The following BNC2 variants were observed in gnomAD, a reference collection of about 807,000 sequenced individuals.
The protein encoded by BNC2 is basonuclin zinc finger protein 2, also known as zinc finger protein basonuclin-2.
Under a neutral mutation model 76.3 loss-of-function variants are expected in BNC2, and 20 were observed. The ratio of observed to expected loss-of-function variants is 0.26; its 90% CI spans 0.18 to 0.38. BNC2 has a LOEUF of 0.38. Among genes scored for constraint, BNC2 ranks in the 10% least tolerant of loss-of-function variants. The pLI, the probability that BNC2 is intolerant of heterozygous loss-of-function variation, is 1.00. For missense variants in BNC2, 1,382 were observed against 1,399.8 expected (o/e 0.99, Z 0.20); for synonymous variants, 582 against 514.8 (o/e 1.13, Z -1.77).
At position 16,436,915 on chromosome 9, in the gene BNC2, G is replaced by A; in HGVS notation, c.1279C>T (p.His427Tyr). 6.2e-7 allele frequency: 1 copy of A among 1,614,112 alleles called. No individual in the cohort carries two copies. Among genetic ancestry groups the A allele is most frequent in the Non-Finnish European group, 8.5e-7 (1 of 1,180,036 alleles). Residue 427 changes from histidine (H) to tyrosine (Y), a missense_variant, in exon 6 of 7, where the codon CAT (histidine) becomes TAT (tyrosine). Transcript: ENST00000380672. The part of the protein sequence containing the change: ...TEHPKSSFRI[H>Y]RMRRMGSASR... Reference sequence around the variant, plus strand: ...GCTGACCCCATCCTTCTCATCCGATGAATCCGGAATGAGCTTTTTGGGTGT... The same window carrying A: ...GCTGACCCCATCCTTCTCATCCGATAAATCCGGAATGAGCTTTTTGGGTGT...
intron 3 of BNC2, among the ~76,000 whole-genome samples, chr9:16,603,070 G>GA: frequency 6.6e-6 from 1 of 152,268 alleles, no homozygotes; most frequent in Non-Finnish European, 1.5e-5. Context: ...TACATGCTTC[G>GA]AAAAGATGCT....
chr9:16,416,191 C>G lies in BNC2; in HGVS notation c.*2798G>C, dbSNP rs895349351. 2.0e-5 allele frequency: 3 copies of G among 152,204 alleles called. No homozygotes were observed. Among genetic ancestry groups the G allele is most frequent in the African/African-American group, 4.8e-5 (2 of 41,442 alleles). The allele number at this position is 152,204 out of a possible 1,614,324, so 9.4% of individuals were successfully genotyped here. A position where few individuals can be genotyped will look rare whatever the true frequency, so the allele number is the denominator to read the frequency against. ...ACATTGCTGTTGTACAAGATGAGTT[C>G]TAGTAACTCAACTGAGTGTAACTTT... On this transcript the variant is annotated 3_prime_UTR_variant, in exon 7 of 7. Transcript: ENST00000380672.
At position 16,418,895 on chromosome 9, in the gene BNC2, A is replaced by G; in HGVS notation, c.*94T>C. 1 of 1,392,228 alleles carries G rather than the reference A, an allele frequency of 7.2e-7. No homozygotes were observed. The highest frequency in any genetic ancestry group is 1.0e-6 in the Non-Finnish European group (1 of 979,656). 86.2% of individuals were successfully genotyped at this position (1,392,228 alleles called of 1,614,324 possible). A position where few individuals can be genotyped will look rare whatever the true frequency, so the allele number is the denominator to read the frequency against. On this transcript the variant is annotated 3_prime_UTR_variant, in exon 7 of 7. Coordinates refer to ENST00000380672, the MANE Select transcript of BNC2 (RefSeq NM_017637.6). ...AATGCACACACACACACACACACAC[A>G]CACACCCCAAGTACATAAGCGCACA...
intron 5 of BNC2, among the ~76,000 whole-genome samples, chr9:16,498,348 G>A (rs991616278): frequency 6.7e-6 from 1 of 149,458 alleles, no homozygotes; most frequent in African/African-American, 2.5e-5. Context: ...AAAAAGGAAT[G>A]AATTAACAGC....
intron 1 of BNC2, among the ~76,000 whole-genome samples, chr9:16,850,861 G>A (rs1819111441): frequency 6.6e-6 from 1 of 151,704 alleles, no homozygotes; most frequent in Admixed American, 6.6e-5. Flanking sequence ...CACCAAGTAA[G>A]TTAACACCAA....
intron 1 of BNC2, among the ~76,000 whole-genome samples, chr9:16,866,663 TAA>T (rs55953726): frequency 0.15 from 14,785 of 96,600 alleles, 939 homozygotes; most frequent in Non-Finnish European, 0.21. Flanking sequence ...CTGTCACTTT[TAA>T]AAAAAAAAAA....
intron 1 of BNC2, chr9:16,868,265 A>C (rs1470637526): frequency 6.6e-6 from 1 of 152,216 alleles, no homozygotes; most frequent in Non-Finnish European, 1.5e-5. Context: ...CCTGACAGCA[A>C]GCAAGATTAG....
intron 1 of BNC2, among the ~76,000 whole-genome samples, chr9:16,753,250 T>A (rs140508259): frequency 1.2e-3 from 180 of 152,364 alleles, no homozygotes; most frequent in African/African-American, 4.2e-3. Context: ...CTGAAATGCA[T>A]GTCCTGGTAA....
intron 5 of BNC2, among the ~76,000 whole-genome samples, chr9:16,457,379 C>A (rs949384579): frequency 2.6e-5 from 4 of 152,136 alleles, no homozygotes; most frequent in African/African-American, 9.7e-5. Context: ...GCGAGACTCA[C>A]AGGACTCAGC....
chr9:16,469,158 T>C (rs530078037), intron 5 of BNC2, among the ~76,000 whole-genome samples: 1 of 151,742 alleles, frequency 6.6e-6, no homozygotes, highest in Non-Finnish European at 1.5e-5. Flanking sequence ...GGAGTAAAAC[T>C]TGCTTTCACC....
intron 3 of BNC2, among the ~76,000 whole-genome samples, chr9:16,723,387 G>A (rs77017082): frequency 1.6e-3 from 241 of 151,940 alleles, no homozygotes; most frequent in African/African-American, 5.0e-3. Context: ...ATAAAAATGC[G>A]TTGTATGAAC....
At chr9:16,741,402 G>A (rs763319237) in intron 1 of BNC2, among the ~76,000 whole-genome samples, 3 of 151,524 alleles carry the variant, frequency 2.0e-5, no homozygotes, top group East Asian at 1.9e-4. Flanking sequence ...GCGGTGAGCC[G>A]AGATCACGCC....
At chr9:16,592,856 C>T (rs942995259) in intron 3 of BNC2, among the ~76,000 whole-genome samples, 1 of 152,088 alleles carries the variant, frequency 6.6e-6, no homozygotes, top group East Asian at 1.9e-4. Context: ...AATACACGGA[C>T]GGTGAACAAA....
chr9:16,696,451 T>C (rs549216922), intron 3 of BNC2, among the ~76,000 whole-genome samples: 149 of 152,328 alleles, frequency 9.8e-4, no homozygotes, highest in Middle Eastern at 3.4e-3. Context: ...AATGTCCCTA[T>C]TTCCTGATGC....
At chr9:16,790,932 A>T (rs146664599) in intron 1 of BNC2, among the ~76,000 whole-genome samples, 11 of 149,618 alleles carry the variant, frequency 7.4e-5, no homozygotes, top group African/African-American at 2.2e-4. Context: ...CCCTTTAATT[A>T]TCCATTTTTA....
At chr9:16,785,641 G>A (rs1223672665) in intron 1 of BNC2, among the ~76,000 whole-genome samples, 2 of 147,388 alleles carry the variant, frequency 1.4e-5, no homozygotes, top group African/African-American at 5.0e-5. Context: ...CAGGTGATCG[G>A]CCCGCCTCGG....
chr9:16,830,969 A>C (rs1586918574), intron 1 of BNC2, among the ~76,000 whole-genome samples: 1 of 152,214 alleles, frequency 6.6e-6, no homozygotes, highest in African/African-American at 2.4e-5. Context: ...CAGCTGGCTG[A>C]ATGAAGCCAG....
chr9:16,806,372 A>G (rs1817911847), intron 1 of BNC2, among the ~76,000 whole-genome samples: 1 of 152,056 alleles, frequency 6.6e-6, no homozygotes, highest in East Asian at 1.9e-4. Context: ...GTTTCTTTCT[A>G]AAAAAGAAAA....
chr9:16,608,655 A>G (rs1820451770), intron 3 of BNC2, among the ~76,000 whole-genome samples: 1 of 152,108 alleles, frequency 6.6e-6, no homozygotes, highest in Non-Finnish European at 1.5e-5. Flanking sequence ...ACAGGTGCAC[A>G]CTGTACATTT....
Sources: allele counts gnomAD v4.1 joint callset (sites outside exome capture counted in the v4.1 genomes callset), GRCh38; gene constraint gnomAD v4.1.1; transcripts MANE v1.5; gene names NCBI Gene and HGNC (gene_info 2026-07-23, HGNC 2026-07-21).